ARMC10: variants seen among roughly 807,000 people sequenced by gnomAD.
ARMC10 encodes the protein armadillo repeat containing 10.
ARMC10 carries 23 observed loss-of-function variants against 30.2 expected under a neutral mutation model. That is an observed-to-expected ratio of 0.76 (90% confidence interval 0.55 to 1.08). ARMC10 has a LOEUF of 1.08. Ranked by LOEUF, ARMC10 falls within the 50% of genes least tolerant of loss-of-function variation. The pLI, the probability that ARMC10 is intolerant of heterozygous loss-of-function variation, is 0.00. For missense variants in ARMC10, 303 were observed against 413.7 expected, an observed-to-expected ratio of 0.73 and a Z score of 2.32; for synonymous variants, 111 against 164.4, an observed-to-expected ratio of 0.68 and a Z score of 2.48.
intron 2 of ARMC10, among the ~76,000 whole-genome samples, chr7:103,079,189 AATCT>A (rs1308589839): frequency 1.1e-4 from 17 of 152,192 alleles, no homozygotes; most frequent in African/African-American, 3.9e-4. Context: ...TAGCAAGTCA[AATCT>A]ATCAGGGGAT....
intron 5 of ARMC10, among the ~76,000 whole-genome samples, chr7:103,094,420 T>A (rs532594252): frequency 1.8e-4 from 28 of 152,342 alleles, no homozygotes; most frequent in South Asian, 6.2e-4. Flanking sequence ...GTATATATAT[T>A]TTTTTCTCAT....
chr7:103,081,262 TG>T (rs1800351978), intron 2 of ARMC10, among the ~76,000 whole-genome samples: 2 of 152,212 alleles, frequency 1.3e-5, no homozygotes, highest in Admixed American at 1.3e-4. Flanking sequence ...TCCCACCAAG[TG>T]AGAATTCTGT....
At chr7:103,095,499 C>T (rs938681565) in intron 5 of ARMC10, among the ~76,000 whole-genome samples, 7 of 152,174 alleles carry the variant, frequency 4.6e-5, no homozygotes, top group Non-Finnish European at 1.0e-4. Flanking sequence ...TGGTAAACAT[C>T]TGTTGCCTTT....
chr7:103,083,817 T>G lies in ARMC10; in HGVS notation c.380T>G (p.Phe127Cys). The G allele has an allele frequency of 6.2e-7, 1 of 1,613,814 alleles. No homozygotes were observed. Among genetic ancestry groups the G allele is most frequent in the Non-Finnish European group, 8.5e-7 (1 of 1,179,892 alleles). ...ALITLGNNAA[F>C]SVNQAIIREL... ...ATTACTTTGGGTAACAATGCAGCCT[T>G]TTCAGTTAACCAAGTAAGTACCTCA... The change falls in exon 3 of 7, where the codon TTT (phenylalanine) becomes TGT (cysteine). Residue 127 changes from phenylalanine (F) to cysteine (C), a missense_variant. Phe to Cys is a radical substitution (Grantham distance 205). Transcript: ENST00000323716.
At chr7:103,087,701 A>C in intron 4 of ARMC10, 1 of 846,556 alleles carries the variant, frequency 1.2e-6, no homozygotes, top group Non-Finnish European at 1.4e-6. Flanking sequence ...TATTTCCTTG[A>C]ATATAATGTT....
chr7:103,082,292 T>G (rs929837682), intron 2 of ARMC10, among the ~76,000 whole-genome samples: 2 of 152,142 alleles, frequency 1.3e-5, no homozygotes, highest in African/African-American at 4.8e-5. Context: ...ACATATTGTT[T>G]CCCATGTGTA....
chr7:103,098,471 G>A lies in ARMC10; in HGVS notation c.950G>A (p.Cys317Tyr), dbSNP rs1359960845. ...TTTTTCCTGTTACATGGAGAAGAAT[G>A]TGCCCAGAAAATAAGAGCTTTAGTT... is the stretch of plus-strand genomic sequence containing the variant. Reference protein sequence around the residue: ...SLFFLLHGEECAQKIRALVDH... With the variant: ...SLFFLLHGEEYAQKIRALVDH... Residue 317 changes from cysteine (C) to tyrosine (Y), a missense_variant, in exon 7 of 7, where the codon TGT (cysteine) becomes TAT (tyrosine). Cys to Tyr is a radical substitution (Grantham distance 194). Transcript: ENST00000323716. The A allele has an allele frequency of 6.2e-7, 1 of 1,612,770 alleles. No homozygotes were observed. Among genetic ancestry groups the A allele is most frequent in the Non-Finnish European group, 8.5e-7 (1 of 1,179,518 alleles).
intron 1 of ARMC10, 69 bp from the exon 2 acceptor site, chr7:103,075,708 A>G: frequency 8.2e-7 from 1 of 1,219,250 alleles, no homozygotes. Context: ...TTGTGTAACT[A>G]AAGGGATTCT....
intron 2 of ARMC10, among the ~76,000 whole-genome samples, chr7:103,079,989 G>A (rs1266484344): frequency 6.6e-6 from 1 of 152,148 alleles, no homozygotes; most frequent in African/African-American, 2.4e-5. Flanking sequence ...TTATAATGTG[G>A]TAGTCACTTT....
chr7:103,075,365 G>C lies in ARMC10; in HGVS notation c.93G>C (p.Arg31=). 3 of 1,279,614 alleles carry C rather than the reference G, an allele frequency of 2.3e-6. No homozygotes were observed. Among genetic ancestry groups the C allele is most frequent in the Non-Finnish European group, 3.0e-6 (3 of 1,011,744 alleles). The allele number at this position is 1,279,614 out of a possible 1,614,324, so 79.3% of individuals were successfully genotyped here. Residue 31 remains arginine, a synonymous_variant, in exon 1 of 7, where the codon CGG becomes CGC. Transcript: ENST00000323716. The part of the protein sequence containing the change: ...CYCIYRLTRG[R]RRGDRELGIR... ...GCATTTACAGGCTGACCCGGGGTCGGCGGCGGGGCGACCGCGAGCTCGGGA... is the reference window on the plus strand; with the variant it reads ...GCATTTACAGGCTGACCCGGGGTCGCCGGCGGGGCGACCGCGAGCTCGGGA...
At chr7:103,081,084 T>C (rs1417036165) in intron 2 of ARMC10, among the ~76,000 whole-genome samples, 2 of 152,322 alleles carry the variant, frequency 1.3e-5, no homozygotes, top group Admixed American at 6.5e-5. Flanking sequence ...ATATTCTAGG[T>C]ACAAAAGTGC....
chr7:103,096,369 G>A (rs1419821643), intron 5 of ARMC10: 1 of 152,110 alleles, frequency 6.6e-6, no homozygotes, highest in Non-Finnish European at 1.5e-5. Flanking sequence ...TTTTATCACT[G>A]TGCTTATTTA....
chr7:103,097,452 C>A, intron 6 of ARMC10, 104 bp downstream of exon 6: 1 of 860,954 alleles, frequency 1.2e-6, no homozygotes, highest in Non-Finnish European at 1.8e-6. Context: ...GGGATTCTCT[C>A]TGAGGAGCAG....
chr7:103,090,894 T>C (rs558157553), intron 4 of ARMC10, among the ~76,000 whole-genome samples: 9 of 152,284 alleles, frequency 5.9e-5, no homozygotes, highest in African/African-American at 2.2e-4. Flanking sequence ...AAAATAAATG[T>C]AATTTAGATC....
chr7:103,086,245 A>G (rs1253491534), intron 3 of ARMC10, among the ~76,000 whole-genome samples: 1 of 152,164 alleles, frequency 6.6e-6, no homozygotes, highest in Non-Finnish European at 1.5e-5. Context: ...AATCCAAAAC[A>G]CTAACTTTAG....
intron 5 of ARMC10, 31 bp from the exon 6 acceptor site, chr7:103,097,246 T>C (rs1198803759): frequency 6.3e-7 from 1 of 1,578,766 alleles, no homozygotes; most frequent in African/African-American, 1.3e-5. Flanking sequence ...TGCTTGCCAG[T>C]CTGAGATAAG....
At position 103,075,836 on chromosome 7, in the gene ARMC10, A is replaced by T; in HGVS notation, c.199A>T (p.Thr67Ser). 6.2e-7 allele frequency: 1 copy of T among 1,611,704 alleles called. No homozygotes were observed. Among genetic ancestry groups the T allele is most frequent in the Non-Finnish European group, 8.5e-7 (1 of 1,179,072 alleles). The part of the protein sequence containing the change: ...QLCGRSARPQ[T>S]GGTWESQWSK... ...GTGCGGGCGCTCGGCCCGGCCTCAG[A>T]CGGGAGGTACCTGGGAGTCACAGTG... Residue 67 changes from threonine (T) to serine (S), a missense_variant, in exon 2 of 7, where the codon ACG becomes TCG. Coordinates refer to ENST00000323716, the MANE Select transcript of ARMC10 (RefSeq NM_031905.5).
chr7:103,079,296 C>A (rs1179017556), intron 2 of ARMC10, among the ~76,000 whole-genome samples: 1 of 150,976 alleles, frequency 6.6e-6, no homozygotes, highest in Non-Finnish European at 1.5e-5. Flanking sequence ...AATAAAAAGG[C>A]ATTAAAATAT....
intron 3 of ARMC10, among the ~76,000 whole-genome samples, chr7:103,085,787 G>A (rs1393550346): frequency 1.3e-5 from 2 of 151,966 alleles, no homozygotes; most frequent in South Asian, 2.1e-4. Flanking sequence ...GCTAATTTTT[G>A]TATTTTTAGT....
Sources: gnomAD v4.1 joint callset for allele counts (sites outside exome capture counted in the v4.1 genomes callset) on GRCh38, gnomAD v4.1.1 for gene constraint, MANE v1.5 for transcripts, NCBI Gene and HGNC (gene_info 2026-07-23, HGNC 2026-07-21) for gene names.